The following EML1 variants were observed in gnomAD, a reference collection of about 807,000 sequenced individuals.
EML1 encodes echinoderm microtubule-associated protein-like 1.
In EML1, 27 loss-of-function variants were observed where a neutral mutation model predicts 110.4. The observed-to-expected ratio is 0.24, with a 90% confidence interval of 0.18 to 0.34. The LOEUF (loss-of-function observed/expected upper bound fraction) is 0.34, where lower values mean the gene tolerates loss of function less well. Ranked by LOEUF, EML1 falls within the 10% of genes least tolerant of loss-of-function variation. EML1 has a pLI of 1.00. For missense variants in EML1, 741 were observed against 1,030.9 expected (o/e 0.72, Z 3.85); for synonymous variants, 344 against 385.8 (o/e 0.89, Z 1.27).
chr14:99,862,708 T>C (rs1244581013), intron 2 of EML1, among the ~76,000 whole-genome samples: 1 of 152,178 alleles, frequency 6.6e-6, no homozygotes, highest in Non-Finnish European at 1.5e-5. Flanking sequence ...ATAGTGTCTT[T>C]TGGTTTTGTT....
intron 1 of EML1, among the ~76,000 whole-genome samples, chr14:99,831,633 G>A (rs2058455619): frequency 2.6e-5 from 4 of 151,954 alleles, no homozygotes; most frequent in South Asian, 4.2e-4. Flanking sequence ...TTAAATGAAC[G>A]AGTTCATTAA....
intron 1 of EML1, among the ~76,000 whole-genome samples, chr14:99,759,760 C>T (rs2057294260): frequency 6.6e-6 from 1 of 152,334 alleles, no homozygotes; most frequent in Admixed American, 6.5e-5. Flanking sequence ...TAACCACCCT[C>T]AGCAGCAGCA....
rs1296864940 is a variant in EML1, at chr14:99,850,941, C to G, written c.156C>G (p.Ile52Met). The change falls in exon 2 of 22, where the codon ATC (isoleucine) becomes ATG (methionine). Residue 52 changes from isoleucine (I) to methionine (M), a missense_variant. Transcript: ENST00000262233. ...EQRVQMQEDD[I>M]QLLKSALADV... Reference sequence around the variant, plus strand: ...GAGTCCAGATGCAAGAAGACGACATCCAGCTGCTCAAATCAGCTCTAGCTG... The same window carrying G: ...GAGTCCAGATGCAAGAAGACGACATGCAGCTGCTCAAATCAGCTCTAGCTG... The G allele has an allele frequency of 6.2e-7, 1 of 1,614,052 alleles. No homozygotes were observed.
intron 4 of EML1, among the ~76,000 whole-genome samples, chr14:99,881,122 T>G (rs950297644): frequency 2.0e-5 from 3 of 152,240 alleles, no homozygotes; most frequent in African/African-American, 7.2e-5. Flanking sequence ...TGTGGGCTGC[T>G]TGCGATCCCA....
intron 7 of EML1, among the ~76,000 whole-genome samples, chr14:99,897,626 C>T (rs768789217): frequency 6.6e-5 from 10 of 152,162 alleles, no homozygotes; most frequent in South Asian, 4.1e-4. Flanking sequence ...ATGAGCTTCA[C>T]GGACCACATT....
chr14:99,919,260 G>C (rs188467070), intron 16 of EML1, among the ~76,000 whole-genome samples: 1 of 152,138 alleles, frequency 6.6e-6, no homozygotes, highest in Admixed American at 6.5e-5. Flanking sequence ...AAAAAGCGTA[G>C]CACTTAAATT....
intron 1 of EML1, among the ~76,000 whole-genome samples, chr14:99,836,110 A>G (rs2058536625): frequency 6.6e-6 from 1 of 152,218 alleles, no homozygotes; most frequent in African/African-American, 2.4e-5. Context: ...GAATCTGTAG[A>G]TCAAATTGAG....
intron 1 of EML1, among the ~76,000 whole-genome samples, chr14:99,811,165 G>T (rs2058071839): frequency 6.7e-6 from 1 of 149,922 alleles, no homozygotes; most frequent in South Asian, 2.1e-4. Context: ...GTATAATAGG[G>T]GTTTTTTTTT....
At chr14:99,910,485 G>T (rs1267462516) in intron 12 of EML1, 144 bp downstream of exon 12, 1 of 614,822 alleles carries the variant, frequency 1.6e-6, no homozygotes, top group Non-Finnish European at 2.7e-6. Context: ...ATACATGTGT[G>T]CATGTGTAAC....
At chr14:99,903,810 G>GTTTTTTTTT (rs2059800067) in intron 9 of EML1, among the ~76,000 whole-genome samples, 1 of 140,956 alleles carries the variant, frequency 7.1e-6, no homozygotes, top group Non-Finnish European at 1.5e-5. Flanking sequence ...TTGAGACAGA[G>GTTTTTTTTT]TCTCACTCTG....
At chr14:99,810,052 G>T (rs772763092) in intron 1 of EML1, among the ~76,000 whole-genome samples, 22 of 152,190 alleles carry the variant, frequency 1.4e-4, no homozygotes, top group Admixed American at 2.6e-4. Context: ...CCCAGTCAGG[G>T]CACTGCTGCT....
chr14:99,858,938 A>G (rs563016349), intron 2 of EML1, among the ~76,000 whole-genome samples: 1 of 152,238 alleles, frequency 6.6e-6, no homozygotes, highest in African/African-American at 2.4e-5. Context: ...GGAGTTTTAT[A>G]TATCAAATAG....
At chr14:99,838,227 T>C (rs2058572562) in intron 1 of EML1, among the ~76,000 whole-genome samples, 1 of 152,226 alleles carries the variant, frequency 6.6e-6, no homozygotes. Context: ...GATGTAACCA[T>C]ATAGTACTTT....
intron 2 of EML1, among the ~76,000 whole-genome samples, chr14:99,864,504 A>G (rs1348756251): frequency 6.6e-6 from 1 of 152,116 alleles, no homozygotes; most frequent in Non-Finnish European, 1.5e-5. Context: ...GTTAGTGTCT[A>G]GGTTGCCTTT....
intron 17 of EML1, among the ~76,000 whole-genome samples, chr14:99,931,664 A>C (rs965822854): frequency 6.6e-6 from 1 of 152,160 alleles, no homozygotes. Flanking sequence ...GAGAACAATT[A>C]GGGAAAGAAA....
intron 3 of EML1, among the ~76,000 whole-genome samples, chr14:99,872,388 C>A (rs559434237): frequency 6.6e-6 from 1 of 152,106 alleles, no homozygotes; most frequent in African/African-American, 2.4e-5. Context: ...TAAGTGTGTA[C>A]GTGTGTGTGC....
chr14:99,839,947 G>A (rs1458454627), intron 1 of EML1, among the ~76,000 whole-genome samples: 1 of 152,208 alleles, frequency 6.6e-6, no homozygotes, highest in African/African-American at 2.4e-5. Flanking sequence ...GTGGTACGCA[G>A]GGCTGCGAAT....
intron 3 of EML1, chr14:99,875,088 C>T (rs553432026): frequency 4.2e-5 from 46 of 1,100,626 alleles, no homozygotes; most frequent in Non-Finnish European, 6.0e-5. Context: ...CAGTGCCTAC[C>T]ATTCATCAAG....
intron 4 of EML1, among the ~76,000 whole-genome samples, chr14:99,879,687 G>A (rs570916701): frequency 5.3e-5 from 8 of 152,322 alleles, no homozygotes; most frequent in African/African-American, 1.4e-4. Context: ...CATGGGTTCT[G>A]TCTTCTTCTC....
Sources: gnomAD v4.1 joint callset for allele counts (sites outside exome capture counted in the v4.1 genomes callset) on GRCh38, gnomAD v4.1.1 for gene constraint, MANE v1.5 for transcripts, NCBI Gene and HGNC (gene_info 2026-07-23, HGNC 2026-07-21) for gene names.